The following BPNT2 variants were observed in gnomAD, a reference collection of about 807,000 sequenced individuals.
BPNT2 encodes 3'(2'), 5'-bisphosphate nucleotidase 2.
A neutral mutation model predicts 29.3 loss-of-function variants in BPNT2; 11 were observed. That is an observed-to-expected ratio of 0.38 (90% CI 0.24 to 0.62). BPNT2 has a LOEUF of 0.62. BPNT2 is among the 20% of genes least tolerant of loss of function. The pLI, the probability that BPNT2 is intolerant of heterozygous loss-of-function variation, is 0.62. For synonymous variants in BPNT2, 195 were observed against 187.7 expected, an observed-to-expected ratio of 1.04 and a Z score of -0.32; for missense variants, 459 against 473.4, an observed-to-expected ratio of 0.97 and a Z score of 0.28.
intron 1 of BPNT2, among the ~76,000 whole-genome samples, chr8:56,986,756 T>C (rs1187573002): frequency 6.6e-6 from 1 of 152,196 alleles, no homozygotes; most frequent in Non-Finnish European, 1.5e-5. Context: ...GTGTTAAATA[T>C]CTCATGTAAT....
intron 1 of BPNT2, among the ~76,000 whole-genome samples, chr8:56,987,617 A>C (rs898037934): frequency 6.6e-6 from 1 of 152,154 alleles, no homozygotes; most frequent in Admixed American, 6.5e-5. Context: ...CTGACAGATC[A>C]AGGGACTTCT....
chr8:56,962,666 C>A lies in BPNT2; in HGVS notation c.*1127G>T, dbSNP rs980492428. The A allele has an allele frequency of 6.6e-6, 1 of 151,778 alleles. No homozygotes were observed. The highest frequency in any genetic ancestry group is 2.4e-5 in the African/African-American group (1 of 41,360). 9.4% of individuals were successfully genotyped at this position (151,778 alleles called of 1,614,324 possible). A position where few individuals can be genotyped will look rare whatever the true frequency, so the allele number is the denominator to read the frequency against. Reference sequence around the variant, plus strand: ...TACCTTCAACCTTCTCTATTTTAATCTGAGGGGAAATTAAGAGAATCTCAA... The same window carrying A: ...TACCTTCAACCTTCTCTATTTTAATATGAGGGGAAATTAAGAGAATCTCAA... On this transcript the variant is annotated 3_prime_UTR_variant, in exon 5 of 5. Coordinates refer to ENST00000262644, the MANE Select transcript of BPNT2 (RefSeq NM_017813.5).
At chr8:56,975,186 C>T (rs189173201) in intron 3 of BPNT2, among the ~76,000 whole-genome samples, 1 of 152,212 alleles carries the variant, frequency 6.6e-6, no homozygotes, top group East Asian at 1.9e-4. Context: ...AGAGGAGCCA[C>T]CTTTGTGAAC....
chr8:56,965,014 T>C (rs2129203375), intron 4 of BPNT2, among the ~76,000 whole-genome samples: 1 of 152,228 alleles, frequency 6.6e-6, no homozygotes, highest in East Asian at 1.9e-4. Flanking sequence ...TTAAAATTAT[T>C]AGGCATAAAA....
At chr8:56,985,385 T>C (rs530316032) in intron 1 of BPNT2, among the ~76,000 whole-genome samples, 2 of 152,164 alleles carry the variant, frequency 1.3e-5, no homozygotes, top group African/African-American at 4.8e-5. Flanking sequence ...GTCAAAGACC[T>C]CAACAGGGAA....
In BPNT2 at chr8:56,972,154, G is replaced by A. The variant is rs115261304; in HGVS notation, c.647-5802C>T. Reference sequence around the variant, plus strand: ...CTCTGTGTGAGCAGTTTGTCTCTCCGGCAAACTGCTCATCATGGTAAAAAG... The same window carrying A: ...CTCTGTGTGAGCAGTTTGTCTCTCCAGCAAACTGCTCATCATGGTAAAAAG... On this transcript the variant is annotated intron_variant, in intron 3 of 4. Transcript: ENST00000262644. Among the ~76,000 whole-genome samples the A allele has an allele frequency of 2.4e-3, 363 of 151,716 alleles. 1 individual carries two copies. Among genetic ancestry groups the A allele is most frequent in the South Asian group, 9.9e-3 (47 of 4,768 alleles).
chr8:56,993,214 G>A lies in BPNT2; in HGVS notation c.372C>T (p.Ala124=). The part of the protein sequence containing the change: ...NRKMFYLLKT[A]FPSVQINTEE... ...GGGCTCCCACCTGGACGCTGGGGAA[G>A]GCGGTCTTGAGCAGGTAGAACATCT... The change falls in exon 1 of 5, where the codon GCC becomes GCT. Residue 124 remains alanine (A), a synonymous_variant. Coordinates refer to ENST00000262644, the MANE Select transcript of BPNT2 (RefSeq NM_017813.5). The A allele has an allele frequency of 6.2e-7, 1 of 1,601,972 alleles. No individual in the cohort carries two copies. The highest frequency in any genetic ancestry group is 1.1e-5 in the South Asian group (1 of 90,798).
Position 56,993,201 on chromosome 8 carries a change from G to C in BPNT2, c.385C>G (p.Gln129Glu). The C allele has an allele frequency of 6.3e-7, 1 of 1,598,478 alleles. No individual in the cohort carries two copies. The highest frequency in any genetic ancestry group is 1.1e-5 in the South Asian group (1 of 90,512). Residue 129 changes from glutamine (Q) to glutamate (E), a missense_variant and splice_region_variant, in exon 1 of 5, where the codon CAG becomes GAG. Gln to Glu is a conservative substitution (Grantham distance 29). Coordinates refer to ENST00000262644, the MANE Select transcript of BPNT2 (RefSeq NM_017813.5). Reference protein sequence around the residue: ...YLLKTAFPSVQINTEEHVDAA... With the variant: ...YLLKTAFPSVEINTEEHVDAA... ...GCGCTCCGCCCGTGGGCTCCCACCT[G>C]GACGCTGGGGAAGGCGGTCTTGAGC...
rs997144035 is a variant in BPNT2 at position 56,983,988 on chromosome 8, A to C, written c.388-3791T>G. On this transcript the variant is annotated intron_variant, in intron 1 of 4. Coordinates refer to ENST00000262644, the MANE Select transcript of BPNT2 (RefSeq NM_017813.5). Reference sequence around the variant, plus strand: ...CTTAACAACAATGCCAGACTACCTCAGATGAATGAAGATAACAGTAACACC... The same window carrying C: ...CTTAACAACAATGCCAGACTACCTCCGATGAATGAAGATAACAGTAACACC... Among the ~76,000 whole-genome samples, 8 of 152,290 alleles carry C rather than the reference A, an allele frequency of 5.3e-5. No homozygotes were observed. In the East Asian group the frequency reaches 1.2e-3, roughly 22 times the overall value.
At chr8:56,981,909 G>A (rs1198236181) in intron 1 of BPNT2, among the ~76,000 whole-genome samples, 4 of 152,046 alleles carry the variant, frequency 2.6e-5, no homozygotes, top group Non-Finnish European at 5.9e-5. Context: ...ACGCTACAGT[G>A]CCAAAGCGAT....
chr8:56,970,296 A>AT (rs1806009497), intron 3 of BPNT2, among the ~76,000 whole-genome samples: 1 of 152,216 alleles, frequency 6.6e-6, no homozygotes, highest in East Asian at 1.9e-4. Flanking sequence ...AATACCTACA[A>AT]TGTATTCATG....
In BPNT2 at chr8:56,978,128, C is replaced by G. The variant is rs376319160; in HGVS notation, c.568G>C (p.Val190Leu). The change falls in exon 3 of 5, where the codon GTC (valine) becomes CTC (leucine). Residue 190 changes from valine to leucine, a missense_variant. By Grantham distance (32) the Val-to-Leu change is conservative (BLOSUM62 1). Coordinates refer to ENST00000262644, the MANE Select transcript of BPNT2 (RefSeq NM_017813.5). The part of the protein sequence containing the change: ...QEYTEDLRKY[V>L]TTMVCVAVNG... ...ACAGCCACACACACCATAGTAGTGA[C>G]GTACTTTCGAAGATCCTCTATGAGA... 1 of 1,609,112 alleles carries G rather than the reference C, an allele frequency of 6.2e-7. No homozygotes were observed. The highest frequency in any genetic ancestry group is 8.5e-7 in the Non-Finnish European group (1 of 1,176,128).
intron 1 of BPNT2, among the ~76,000 whole-genome samples, chr8:56,982,027 A>G (rs950140310): frequency 2.0e-5 from 3 of 152,152 alleles, no homozygotes; most frequent in African/African-American, 7.2e-5. Context: ...ACTATCACCA[A>G]TCTCCAGAAG....
intron 1 of BPNT2, among the ~76,000 whole-genome samples, chr8:56,984,687 T>C (rs1806300278): frequency 6.6e-6 from 1 of 152,170 alleles, no homozygotes; most frequent in Non-Finnish European, 1.5e-5. Flanking sequence ...AATCACTGCT[T>C]TTACAGAGCT....
At chr8:56,979,879 A>G (rs1371472228) in intron 2 of BPNT2, among the ~76,000 whole-genome samples, 156 bp downstream of exon 2, 1 of 152,224 alleles carries the variant, frequency 6.6e-6, no homozygotes, top group African/African-American at 2.4e-5. Flanking sequence ...TTCTTCAATT[A>G]TAGGTGTCCA....
intron 4 of BPNT2, among the ~76,000 whole-genome samples, chr8:56,965,665 AG>A (rs1443728760): frequency 1.3e-5 from 2 of 152,206 alleles, no homozygotes; most frequent in African/African-American, 4.8e-5. Flanking sequence ...CCAAAAAACT[AG>A]GTTGACTATA....
At chr8:56,977,137 A>T (rs1190555825) in intron 3 of BPNT2, among the ~76,000 whole-genome samples, 1 of 152,202 alleles carries the variant, frequency 6.6e-6, no homozygotes, top group Non-Finnish European at 1.5e-5. Context: ...ATATGCAAAT[A>T]CATTAAATCT....
At chr8:56,986,610 A>T (rs1220502949) in intron 1 of BPNT2, among the ~76,000 whole-genome samples, 2 of 152,200 alleles carry the variant, frequency 1.3e-5, no homozygotes, top group Non-Finnish European at 2.9e-5. Context: ...AAATATCTGA[A>T]GTCAAAAATA....
At chr8:56,972,565 C>T (rs1605556) in intron 3 of BPNT2, among the ~76,000 whole-genome samples, 31,860 of 151,904 alleles carry the variant, frequency 0.21, 3,727 homozygotes, top group East Asian at 0.45. Flanking sequence ...GGGTATAAAA[C>T]TGCTACATGC....
Sources: gnomAD v4.1 joint callset for allele counts (sites outside exome capture counted in the v4.1 genomes callset) on GRCh38, gnomAD v4.1.1 for gene constraint, MANE v1.5 for transcripts, NCBI Gene and HGNC (gene_info 2026-07-23, HGNC 2026-07-21) for gene names.